The following EIF2AK2 variants were observed in gnomAD, a reference collection of about 807,000 sequenced individuals.
The protein encoded by EIF2AK2 is interferon-induced, double-stranded RNA-activated protein kinase.
EIF2AK2 carries 40 observed loss-of-function variants against 70.5 expected under a neutral mutation model. That is an observed-to-expected ratio of 0.57 (90% CI 0.44 to 0.74). The LOEUF (loss-of-function observed/expected upper bound fraction) is 0.74, where lower values mean the gene tolerates loss of function less well. Ranked by LOEUF, EIF2AK2 falls within the 30% of genes least tolerant of loss-of-function variation. EIF2AK2 has a pLI of 0.00. For synonymous variants in EIF2AK2, 198 were observed against 220.9 expected (o/e 0.90, Z 0.92); for missense variants, 555 against 644.3 (o/e 0.86, Z 1.50).
intron 14 of EIF2AK2, 72 bp from the exon 15 acceptor site, chr2:37,109,367 A>G (rs1439786573): frequency 3.7e-6 from 5 of 1,361,236 alleles, no homozygotes; most frequent in Non-Finnish European, 5.1e-6. Context: ...AAGCCCAAAA[A>G]AGTTATTTGA....
Position 37,109,262 on chromosome 2 carries a change from G to A in EIF2AK2, c.1411C>T (p.Leu471Phe), listed in dbSNP as rs967135397. 6.2e-7 allele frequency: 1 copy of A among 1,613,998 alleles called. No individual in the cohort carries two copies. The highest frequency in any genetic ancestry group is 1.7e-5 in the Admixed American group (1 of 59,984). ...SSQDYGKEVDLYALGLILAEL... is the reference protein window; with the variant it reads ...SSQDYGKEVDFYALGLILAEL... ...GCAAGAATTAGCCCCAAAGCGTAGA[G>A]GTCCACTTCCTTTCCATAGTCTTGC... Residue 471 changes from leucine (L) to phenylalanine (F), a missense_variant, in exon 15 of 17, where the codon CTC becomes TTC. Physicochemically the swap from Leu to Phe is conservative, Grantham distance 22. Coordinates refer to ENST00000233057, the MANE Select transcript of EIF2AK2 (RefSeq NM_001135651.3).
intron 6 of EIF2AK2, among the ~76,000 whole-genome samples, chr2:37,138,924 T>C (rs1463333286): frequency 6.6e-6 from 1 of 151,460 alleles, no homozygotes; most frequent in Admixed American, 6.6e-5. Flanking sequence ...GCCTCCTGAG[T>C]AGCTAGGACT....
Position 37,114,712 on chromosome 2 carries a change from G to A in EIF2AK2, c.1377+19C>T. 1.3e-6 allele frequency: 2 copies of A among 1,525,960 alleles called. No homozygotes were observed. Among genetic ancestry groups the A allele is most frequent in the African/African-American group, 1.4e-5 (1 of 70,820 alleles). The allele number at this position is 1,525,960 out of a possible 1,614,324, so 94.5% of individuals were successfully genotyped here. A position where few individuals can be genotyped will look rare whatever the true frequency, so the allele number is the denominator to read the frequency against. ...AAATAAAAGAAGTAAAATATAGACA[G>A]ACAGGAAAGAGACCTTACCTGTTCT... On this transcript the variant is annotated intron_variant, in intron 14 of 16. Transcript: ENST00000233057.
chr2:37,126,878 A>T (rs920869002), intron 10 of EIF2AK2, among the ~76,000 whole-genome samples: 3 of 144,688 alleles, frequency 2.1e-5, no homozygotes, highest in African/African-American at 7.6e-5. Flanking sequence ...AATTGCTTGA[A>T]TCTGGGAGGC....
Position 37,144,555 on chromosome 2 carries a change from G to C in EIF2AK2, c.240+2298C>G, listed in dbSNP as rs1291407253. On this transcript the variant is annotated intron_variant, in intron 4 of 16. Coordinates refer to ENST00000233057, the MANE Select transcript of EIF2AK2 (RefSeq NM_001135651.3). ...TCCTGACGCTGTGTAGGCCTAGGCT[G>C]ATGTGTGTGTTTGTGTTGTAATTTT... 2.6e-5 allele frequency among the ~76,000 whole-genome samples: 4 copies of C among 151,806 alleles called. No homozygotes were observed. In the East Asian group the frequency reaches 7.7e-4, roughly 29 times the overall value.
At chr2:37,139,566 T>C in intron 6 of EIF2AK2, 65 bp downstream of exon 6, 1 of 1,580,558 alleles carries the variant, frequency 6.3e-7, no homozygotes. Flanking sequence ...TAACACAGTC[T>C]AACCTCAAGT....
At chr2:37,156,563 G>C (rs535824504) in intron 1 of EIF2AK2, among the ~76,000 whole-genome samples, 1 of 152,182 alleles carries the variant, frequency 6.6e-6, no homozygotes, top group Non-Finnish European at 1.5e-5. Context: ...AAGCCACTAG[G>C]CCTATTCGTC....
At chr2:37,127,263 G>A (rs1489301323) in intron 10 of EIF2AK2, among the ~76,000 whole-genome samples, 9 of 151,912 alleles carry the variant, frequency 5.9e-5, no homozygotes, top group African/African-American at 2.2e-4. Context: ...CTTCCATTAG[G>A]CCATAGCAGT....
At chr2:37,127,281 T>C (rs1674774343) in intron 10 of EIF2AK2, among the ~76,000 whole-genome samples, 1 of 152,156 alleles carries the variant, frequency 6.6e-6, no homozygotes, top group Admixed American at 6.5e-5. Context: ...AGTACCTCGT[T>C]AACTGGATCC....
At chr2:37,133,811 T>TAC in intron 10 of EIF2AK2, among the ~76,000 whole-genome samples, 1 of 152,340 alleles carries the variant, frequency 6.6e-6, no homozygotes, top group African/African-American at 2.4e-5. Context: ...ACTCTCATTA[T>TAC]ACATCCTGAT....
chr2:37,139,216 G>A (rs1675237117), intron 6 of EIF2AK2, among the ~76,000 whole-genome samples: 1 of 151,610 alleles, frequency 6.6e-6, no homozygotes, highest in African/African-American at 2.4e-5. Context: ...TCAGTAGGCT[G>A]AGGCAGGAGA....
intron 14 of EIF2AK2, among the ~76,000 whole-genome samples, chr2:37,111,724 T>C (rs1283878701): frequency 4.9e-5 from 2 of 40,770 alleles, no homozygotes. Flanking sequence ...CAGGTGTTGG[T>C]GGTTTGAGCC....
At chr2:37,113,786 A>G (rs1322377682) in intron 14 of EIF2AK2, among the ~76,000 whole-genome samples, 2 of 152,244 alleles carry the variant, frequency 1.3e-5, no homozygotes, top group East Asian at 3.8e-4. Flanking sequence ...AGATACTCCT[A>G]ATTCAACACA....
chr2:37,154,841 C>T (rs1413926048), intron 1 of EIF2AK2, among the ~76,000 whole-genome samples: 1 of 152,172 alleles, frequency 6.6e-6, no homozygotes, highest in African/African-American at 2.4e-5. Context: ...CGATTACAGG[C>T]ATGAGCCATG....
chr2:37,114,695 G>T (rs756392127), intron 14 of EIF2AK2, 36 bp downstream of exon 14: 2 of 1,469,780 alleles, frequency 1.4e-6, no homozygotes, highest in Non-Finnish European at 1.8e-6. Context: ...CAAAATAAAA[G>T]AAGTAAAATA....
In EIF2AK2 at chr2:37,120,508, C is replaced by CA. The variant is rs1355178517; in HGVS notation, c.1068-370dup. Among the ~76,000 whole-genome samples, 29 of 6,850 alleles carry CA rather than the reference C, an allele frequency of 4.2e-3. 2 individuals are homozygous for CA. The highest frequency in any genetic ancestry group is 0.019 in the Admixed American group (13 of 684). The allele number at this position is 6,850 out of a possible 152,430, so 4.5% of individuals were successfully genotyped here. A position where few individuals can be genotyped will look rare whatever the true frequency, so the allele number is the denominator to read the frequency against. ...GGTGACAGAGCGAGATTCCGTCTCA[C>CA]AAAAAAAAAAAAAAAAAGAAAAAAA... On this transcript the variant is annotated intron_variant, in intron 12 of 16. Coordinates refer to ENST00000233057, the MANE Select transcript of EIF2AK2 (RefSeq NM_001135651.3).
chr2:37,133,889 C>A (rs1179966745), intron 10 of EIF2AK2, among the ~76,000 whole-genome samples: 2 of 152,122 alleles, frequency 1.3e-5, no homozygotes, highest in African/African-American at 2.4e-5. Context: ...CCTACCCAAA[C>A]TTTTTCCTCC....
chr2:37,137,028 A>G lies in EIF2AK2; in HGVS notation c.688-11T>C. 6.3e-7 allele frequency: 1 copy of G among 1,598,060 alleles called. No individual in the cohort carries two copies. Among genetic ancestry groups the G allele is most frequent in the Non-Finnish European group, 8.5e-7 (1 of 1,172,396 alleles). On this transcript the variant is annotated splice_polypyrimidine_tract_variant and intron_variant, in intron 8 of 16. Coordinates refer to ENST00000233057, the MANE Select transcript of EIF2AK2 (RefSeq NM_001135651.3). ...ATTTCTGAGACCATTCTATAACAAA[A>G]GAAAATGAGAAATAGTTTCAGATGA...
intron 15 of EIF2AK2, among the ~76,000 whole-genome samples, chr2:37,108,728 C>G (rs1451115104): frequency 6.6e-6 from 1 of 152,146 alleles, no homozygotes; most frequent in South Asian, 2.1e-4. Flanking sequence ...CACCACCACA[C>G]CCAGCTAATT....
Sources: gnomAD v4.1 joint callset for allele counts (sites outside exome capture counted in the v4.1 genomes callset) on GRCh38, gnomAD v4.1.1 for gene constraint, MANE v1.5 for transcripts, NCBI Gene and HGNC (gene_info 2026-07-23, HGNC 2026-07-21) for gene names.